Variants in KCNAB1 observed in about 807,000 individuals in gnomAD.
The protein encoded by KCNAB1 is voltage-gated potassium channel subunit beta-1.
KCNAB1 carries 35 observed loss-of-function variants against 64.6 expected under a neutral mutation model. The ratio of observed to expected loss-of-function variants is 0.54; its 90% CI spans 0.41 to 0.72. The LOEUF is 0.72. Among genes scored for constraint, KCNAB1 ranks in the 30% least tolerant of loss-of-function variants. The pLI, the probability that KCNAB1 is intolerant of heterozygous loss-of-function variation, is 0.00. For missense variants in KCNAB1, 401 were observed against 512.9 expected, an observed-to-expected ratio of 0.78 and a Z score of 2.11; for synonymous variants, 177 against 183.8, an observed-to-expected ratio of 0.96 and a Z score of 0.30.
chr3:156,499,475 T>C (rs1376368911), intron 8 of KCNAB1, among the ~76,000 whole-genome samples: 1 of 152,206 alleles, frequency 6.6e-6, no homozygotes, highest in Non-Finnish European at 1.5e-5. Context: ...TGTATTGTCA[T>C]CTTTTAATTT....
chr3:156,277,433 A>T (rs1719407450), intron 1 of KCNAB1, among the ~76,000 whole-genome samples: 1 of 152,176 alleles, frequency 6.6e-6, no homozygotes, highest in African/African-American at 2.4e-5. Flanking sequence ...TTTTCAGTTT[A>T]TAAAAAATGC....
At chr3:156,442,792 T>C (rs1007772111) in intron 2 of KCNAB1, among the ~76,000 whole-genome samples, 3 of 152,158 alleles carry the variant, frequency 2.0e-5, no homozygotes, top group African/African-American at 7.2e-5. Flanking sequence ...TCACATCTCA[T>C]TGTTGCCCAG....
At chr3:156,484,478 TTCC>T (rs1715058819) in intron 8 of KCNAB1, among the ~76,000 whole-genome samples, 1 of 152,112 alleles carries the variant, frequency 6.6e-6, no homozygotes, top group Non-Finnish European at 1.5e-5. Context: ...TCATGTGCAC[TTCC>T]TTCTGTGAGT....
intron 2 of KCNAB1, among the ~76,000 whole-genome samples, chr3:156,422,187 A>G (rs895808771): frequency 6.6e-6 from 1 of 152,236 alleles, no homozygotes; most frequent in South Asian, 2.1e-4. Flanking sequence ...CCTCCCAGTC[A>G]ATATTTGAAG....
intron 1 of KCNAB1, among the ~76,000 whole-genome samples, chr3:156,326,212 C>G (rs3755626): frequency 4.6e-5 from 7 of 152,132 alleles, no homozygotes; most frequent in African/African-American, 1.4e-4. Context: ...TTATTTATAA[C>G]CCCTAACTGT....
At chr3:156,279,138 C>T (rs1354640196) in intron 1 of KCNAB1, among the ~76,000 whole-genome samples, 1 of 148,188 alleles carries the variant, frequency 6.7e-6, no homozygotes, top group East Asian at 2.0e-4. Flanking sequence ...CACAACAGTC[C>T]CCAGAGTGTG....
At chr3:156,388,393 AAG>A (rs1490222072) in intron 1 of KCNAB1, among the ~76,000 whole-genome samples, 1 of 152,202 alleles carries the variant, frequency 6.6e-6, no homozygotes, top group African/African-American at 2.4e-5. Context: ...TCACAGAGCA[AAG>A]AGTCTCGCAG....
Position 156,370,358 on chromosome 3 carries a change from T to C in KCNAB1, c.276-51258T>C, listed in dbSNP as rs150967843. Among the ~76,000 whole-genome samples, 9 of 152,336 alleles carry C rather than the reference T, an allele frequency of 5.9e-5. No homozygotes were observed. In the East Asian group the frequency reaches 7.7e-4, roughly 13 times the overall value. On this transcript the variant is annotated intron_variant, in intron 1 of 13. Coordinates refer to ENST00000490337, the MANE Select transcript of KCNAB1 (RefSeq NM_172160.3). ...AGATAAAGTGCCAAAAAGTTAAAAATGTGGTTGTAAAGTACAATCACTTAT... is the reference window on the plus strand; with the variant it reads ...AGATAAAGTGCCAAAAAGTTAAAAACGTGGTTGTAAAGTACAATCACTTAT...
intron 8 of KCNAB1, among the ~76,000 whole-genome samples, chr3:156,483,540 C>T (rs1714984623): frequency 6.6e-6 from 1 of 152,090 alleles, no homozygotes; most frequent in South Asian, 2.1e-4. Flanking sequence ...GGTTACTAAT[C>T]CACTTAGTTT....
intron 1 of KCNAB1, among the ~76,000 whole-genome samples, chr3:156,361,881 A>G (rs1192317802): frequency 6.6e-6 from 1 of 152,160 alleles, no homozygotes; most frequent in East Asian, 1.9e-4. Context: ...GCTGGTCTCT[A>G]ACTCCTGGGC....
rs542715635 is a variant in KCNAB1 at position 156,127,822 on chromosome 3, C to A, written c.275+6936C>A. Among the ~76,000 whole-genome samples, 139 of 150,982 alleles carry A rather than the reference C, an allele frequency of 9.2e-4. 1 individual carries two copies. The highest frequency in any genetic ancestry group is 3.1e-3 in the African/African-American group (126 of 41,132). On this transcript the variant is annotated intron_variant, in intron 1 of 13. Transcript: ENST00000490337. ...GGTTCAGTCTGCACCCCTGTGACTG[C>A]TTTTTTGGTTATCTTGACAAAACTG...
At chr3:156,437,925 T>TA (rs1193498622) in intron 2 of KCNAB1, among the ~76,000 whole-genome samples, 1 of 152,224 alleles carries the variant, frequency 6.6e-6, no homozygotes, top group African/African-American at 2.4e-5. Context: ...TGGGACCTCA[T>TA]AGAGTTCATT....
At position 156,463,644 on chromosome 3, in the gene KCNAB1, C is replaced by G. The variant is rs532612313; in HGVS notation, c.483-58C>G. 5 of 1,288,020 alleles carry G rather than the reference C, an allele frequency of 3.9e-6. No homozygotes were observed. In the African/African-American group the frequency reaches 7.5e-5, roughly 19 times the overall value. 79.8% of individuals were successfully genotyped at this position (1,288,020 alleles called of 1,614,324 possible). A position where few individuals can be genotyped will look rare whatever the true frequency, so the allele number is the denominator to read the frequency against. On this transcript the variant is annotated intron_variant, in intron 5 of 13. Transcript: ENST00000490337. ...CTGGTGCTATTATAATAATATGACT[C>G]GGTACAATAACCTGCATTTATTTAC...
At chr3:156,187,264 A>G (rs1344955733) in intron 1 of KCNAB1, among the ~76,000 whole-genome samples, 1 of 150,816 alleles carries the variant, frequency 6.6e-6, no homozygotes, top group African/African-American at 2.4e-5. Flanking sequence ...CCCTTTATAC[A>G]CTCCCCATGA....
intron 8 of KCNAB1, among the ~76,000 whole-genome samples, chr3:156,487,017 C>T (rs897216224): frequency 6.6e-6 from 1 of 152,144 alleles, no homozygotes. Context: ...TGAAGGATTA[C>T]ATTATCATTA....
chr3:156,185,201 C>T (rs1202281899), intron 1 of KCNAB1, among the ~76,000 whole-genome samples: 7 of 152,236 alleles, frequency 4.6e-5, no homozygotes, highest in Non-Finnish European at 8.8e-5. Flanking sequence ...TCTTCCCCAG[C>T]TCATGTGACC....
At chr3:156,520,946 T>C (rs1252406573) in intron 11 of KCNAB1, among the ~76,000 whole-genome samples, 1 of 152,192 alleles carries the variant, frequency 6.6e-6, no homozygotes, top group Non-Finnish European at 1.5e-5. Context: ...AACTAACAAC[T>C]AATTAGGGAT....
intron 1 of KCNAB1, among the ~76,000 whole-genome samples, chr3:156,250,480 C>T (rs1326094263): frequency 1.3e-5 from 2 of 152,212 alleles, no homozygotes; most frequent in Non-Finnish European, 2.9e-5. Context: ...CTAGCTAATA[C>T]CATGTATTCA....
intron 1 of KCNAB1, among the ~76,000 whole-genome samples, chr3:156,210,910 G>A (rs59046488): frequency 0.035 from 5,329 of 152,294 alleles, 331 homozygotes; most frequent in African/African-American, 0.12. Flanking sequence ...AAATTCGTGG[G>A]TGGGTGCCTC....
Sources: gnomAD v4.1 joint callset for allele counts (sites outside exome capture counted in the v4.1 genomes callset) on GRCh38, gnomAD v4.1.1 for gene constraint, MANE v1.5 for transcripts, NCBI Gene and HGNC (gene_info 2026-07-23, HGNC 2026-07-21) for gene names.